WWP1: variants seen among roughly 807,000 people sequenced by gnomAD.
The protein encoded by WWP1 is NEDD4-like E3 ubiquitin-protein ligase WWP1.
Under a neutral mutation model 130.6 loss-of-function variants are expected in WWP1, and 49 were observed. The ratio of observed to expected loss-of-function variants is 0.38; its 90% CI spans 0.30 to 0.48. WWP1 has a LOEUF of 0.48. Among genes scored for constraint, WWP1 ranks in the 20% least tolerant of loss-of-function variants. WWP1 has a pLI of 0.99. For missense variants in WWP1, 809 were observed against 1,100.6 expected, an observed-to-expected ratio of 0.74 and a Z score of 3.75; for synonymous variants, 332 against 367.8, an observed-to-expected ratio of 0.90 and a Z score of 1.11.
chr8:86,451,185 C>T (rs1242693657), intron 20 of WWP1, among the ~76,000 whole-genome samples: 2 of 123,034 alleles, frequency 1.6e-5, no homozygotes, highest in Admixed American at 2.2e-4. Context: ...CTGCAGTGAA[C>T]CAGGCAACCG....
At chr8:86,371,737 G>GTTT (rs888881540) in intron 2 of WWP1, among the ~76,000 whole-genome samples, 1 of 152,080 alleles carries the variant, frequency 6.6e-6, no homozygotes, top group Non-Finnish European at 1.5e-5. Flanking sequence ...TCTTTAATTA[G>GTTT]TTTTTTGTTT....
chr8:86,411,104 C>A (rs1450960332), intron 8 of WWP1, among the ~76,000 whole-genome samples: 1 of 152,110 alleles, frequency 6.6e-6, no homozygotes, highest in Non-Finnish European at 1.5e-5. Flanking sequence ...GAACTGATGC[C>A]ATCATACAGT....
At chr8:86,379,746 A>G (rs1203151442) in intron 3 of WWP1, among the ~76,000 whole-genome samples, 1 of 152,230 alleles carries the variant, frequency 6.6e-6, no homozygotes, top group Non-Finnish European at 1.5e-5. Flanking sequence ...AACTTTCCAG[A>G]TAAAACATTA....
chr8:86,350,528 G>A (rs1822853443), intron 1 of WWP1, among the ~76,000 whole-genome samples: 1 of 152,168 alleles, frequency 6.6e-6, no homozygotes, highest in South Asian at 2.1e-4. Context: ...CTGTTGCGGG[G>A]AGGAGTTTGG....
intron 3 of WWP1, among the ~76,000 whole-genome samples, chr8:86,375,979 T>G (rs1279074904): frequency 6.6e-6 from 1 of 152,226 alleles, no homozygotes; most frequent in African/African-American, 2.4e-5. Flanking sequence ...GGTATCTTAG[T>G]GTTATTTAAA....
intron 18 of WWP1, among the ~76,000 whole-genome samples, chr8:86,447,906 C>T (rs1810970488): frequency 6.6e-6 from 1 of 152,086 alleles, no homozygotes; most frequent in Non-Finnish European, 1.5e-5. Flanking sequence ...TAATAGAAGT[C>T]TTTTATCATC....
At chr8:86,457,427 CTGT>C in intron 21 of WWP1, among the ~76,000 whole-genome samples, 1 of 82,754 alleles carries the variant, frequency 1.2e-5, no homozygotes, top group African/African-American at 3.5e-5. Context: ...GTCTGTCTGT[CTGT>C]CTATCTATCT....
intron 7 of WWP1, among the ~76,000 whole-genome samples, chr8:86,401,138 A>G (rs1807954932): frequency 6.6e-6 from 1 of 151,628 alleles, no homozygotes; most frequent in Non-Finnish European, 1.5e-5. Context: ...ACATTTTTAT[A>G]GTTCTGGGGT....
rs749399663 is a variant in WWP1, at chr8:86,442,688, GAAC to G, written c.1912_1914del (p.Asn638del). The G allele has an allele frequency of 4.3e-6, 7 of 1,612,380 alleles. No homozygotes were observed. The highest frequency in any genetic ancestry group is 5.9e-6 in the Non-Finnish European group (7 of 1,179,480). On this transcript the variant is annotated inframe_deletion, in exon 18 of 25. Transcript: ENST00000517970. ...ATTGCTTATTTGAGTATGCGGGCAA[GAAC>G]AACTATTGTCTGCAGATAAATCCAG...
intron 5 of WWP1, among the ~76,000 whole-genome samples, chr8:86,383,561 G>A (rs149952411): frequency 2.4e-4 from 37 of 152,242 alleles, no homozygotes; most frequent in African/African-American, 7.7e-4. Flanking sequence ...GGCCAACATG[G>A]TGAGACCCTG....
chr8:86,442,475 C>G, intron 17 of WWP1, 144 bp from the exon 18 acceptor site: 1 of 714,228 alleles, frequency 1.4e-6, no homozygotes, highest in Non-Finnish European at 2.0e-6. Context: ...CATAGAAGAA[C>G]TTGGATAGAG....
At chr8:86,423,158 T>A (rs1809329375) in intron 9 of WWP1, among the ~76,000 whole-genome samples, 1 of 151,670 alleles carries the variant, frequency 6.6e-6, no homozygotes. Flanking sequence ...AGCATAATTA[T>A]TGTAATCCTA....
Position 86,367,191 on chromosome 8 carries a change from TCAGTATTGAAGC to T in WWP1, c.-114-1744_-114-1733del, listed in dbSNP as rs562605660. ...ATTAGTGTTGTCTTCAAAATTAGAC[TCAGTATTGAAGC>T]CAGGACTTTGTCTTCTACCATTTCT... On this transcript the variant is annotated intron_variant, in intron 1 of 24. Coordinates refer to ENST00000517970, the MANE Select transcript of WWP1 (RefSeq NM_007013.4). 2.2e-3 allele frequency among the ~76,000 whole-genome samples: 331 copies of T among 152,352 alleles called. 8 individuals carry two copies. Among genetic ancestry groups the T allele is most frequent in the Non-Finnish European group, 3.8e-4 (26 of 68,028 alleles).
chr8:86,367,699 C>T (rs942587031), intron 1 of WWP1, among the ~76,000 whole-genome samples: 1 of 152,102 alleles, frequency 6.6e-6, no homozygotes, highest in Non-Finnish European at 1.5e-5. Flanking sequence ...TTTTCTTTTG[C>T]CAACCCTGCT....
intron 1 of WWP1, among the ~76,000 whole-genome samples, chr8:86,368,119 A>C (rs1250548593): frequency 6.6e-6 from 1 of 152,226 alleles, no homozygotes; most frequent in Non-Finnish European, 1.5e-5. Context: ...CAATAAAAAC[A>C]ATAAGTCATC....
intron 20 of WWP1, among the ~76,000 whole-genome samples, chr8:86,449,749 T>C (rs914861814): frequency 4.6e-5 from 7 of 152,246 alleles, no homozygotes; most frequent in African/African-American, 1.7e-4. Context: ...AGCTGTCATC[T>C]CTGTCTCTTT....
chr8:86,402,106 T>C lies in WWP1; in HGVS notation c.627T>C (p.Asn209=). ...ACTCATGCTGCTCGTATGTAGTTAATGGAGACAACACACCTTCATCTCCGT... is the reference window on the plus strand; with the variant it reads ...ACTCATGCTGCTCGTATGTAGTTAACGGAGACAACACACCTTCATCTCCGT... The part of the protein sequence containing the change: ...VQNSCCSYVV[N]GDNTPSSPSQ... Residue 209 remains asparagine (N), a synonymous_variant, in exon 8 of 25, where the codon AAT becomes AAC. Coordinates refer to ENST00000517970, the MANE Select transcript of WWP1 (RefSeq NM_007013.4). The C allele has an allele frequency of 6.2e-7, 1 of 1,614,180 alleles. No individual in the cohort carries two copies.
At chr8:86,447,384 A>C (rs533022161) in intron 18 of WWP1, among the ~76,000 whole-genome samples, 110 of 152,222 alleles carry the variant, frequency 7.2e-4, no homozygotes, top group African/African-American at 2.6e-3. Context: ...CTCCTGCCTC[A>C]TCTTCCTGAA....
chr8:86,356,268 C>CAT (rs1008893250), intron 1 of WWP1, among the ~76,000 whole-genome samples: 29 of 152,172 alleles, frequency 1.9e-4, no homozygotes, highest in African/African-American at 6.3e-4. Flanking sequence ...AGTATATACA[C>CAT]ATCTCTTTTT....
Sources: gnomAD v4.1 joint callset for allele counts (sites outside exome capture counted in the v4.1 genomes callset) on GRCh38, gnomAD v4.1.1 for gene constraint, MANE v1.5 for transcripts, NCBI Gene and HGNC (gene_info 2026-07-23, HGNC 2026-07-21) for gene names.